Variants in PRB3 observed in about 807,000 individuals in gnomAD.
The protein encoded by PRB3 is basic salivary proline-rich protein 3.
Under a neutral mutation model 10.0 loss-of-function variants are expected in PRB3, and 9 were observed. The ratio of observed to expected loss-of-function variants is 0.90; its 90% CI spans 0.54 to 1.57. The LOEUF (loss-of-function observed/expected upper bound fraction) is 1.57, where lower values mean the gene tolerates loss of function less well. Ranked by LOEUF, PRB3 falls within the 40% of genes most tolerant of loss-of-function variation. The probability of loss-of-function intolerance (pLI) is 0.00; values close to 1 mark genes in which losing one functional copy is unlikely to be tolerated. For synonymous variants in PRB3, 89 were observed against 138.6 expected, an observed-to-expected ratio of 0.64 and a Z score of 2.52; for missense variants, 285 against 385.5, an observed-to-expected ratio of 0.74 and a Z score of 2.18.
Position 11,267,237 on chromosome 12 carries a change from CT to C in PRB3, c.1011del (p.Gly339AlafsTer52). On this transcript the variant is annotated frameshift_variant, in exon 3 of 4. Transcript: ENST00000538488. LOFTEE classifies it low-confidence loss of function (END_TRUNC). Reference sequence around the variant, plus strand: ...TGGGGAGGTCTGTGTGGTCTGCCCCCTTGAGGAGGTGGAGGTGGTCCCTGGG... The same window carrying C: ...TGGGGAGGTCTGTGTGGTCTGCCCCCTGAGGAGGTGGAGGTGGTCCCTGGG... ...GKPQGPPPPPQGGRPHRPPQG... is the reference protein window; with the variant it reads ...GKPQGPPPPPXGGRPHRPPQG... 1 of 1,614,018 alleles carries C rather than the reference CT, an allele frequency of 6.2e-7. No individual in the cohort carries two copies. The highest frequency in any genetic ancestry group is 1.6e-4 in the Middle Eastern group (1 of 6,062).
intron 1 of PRB3, among the ~76,000 whole-genome samples, chr12:11,268,929 A>C (rs1948623800): frequency 6.6e-6 from 1 of 152,136 alleles, no homozygotes; most frequent in African/African-American, 2.4e-5. Flanking sequence ...ACTTAATGCT[A>C]ATTTAGTTTA....
chr12:11,269,475 TCTC>T, intron 1 of PRB3, 128 bp downstream of exon 1: 1 of 1,061,906 alleles, frequency 9.4e-7, no homozygotes, highest in Non-Finnish European at 1.4e-6. Context: ...GCACAACAGG[TCTC>T]CTGATCCTAG....
At chr12:11,269,473 G>A in intron 1 of PRB3, 133 bp downstream of exon 1, 1 of 1,036,936 alleles carries the variant, frequency 9.6e-7, no homozygotes, top group Non-Finnish European at 1.5e-6. Flanking sequence ...GGGCACAACA[G>A]GTCTCCTGAT....
At chr12:11,268,926 G>T (rs915409522) in intron 1 of PRB3, among the ~76,000 whole-genome samples, 9 of 152,108 alleles carry the variant, frequency 5.9e-5, no homozygotes, top group African/African-American at 2.2e-4. Context: ...AAGACTTAAT[G>T]CTAATTTAGT....
chr12:11,268,411 C>T (rs1056440754), intron 2 of PRB3, among the ~76,000 whole-genome samples: 45 of 152,072 alleles, frequency 3.0e-4, no homozygotes, highest in African/African-American at 1.1e-3. Context: ...GGAAGTCAAC[C>T]CACTCCCGTT....
chr12:11,267,165 T>C lies in PRB3; in HGVS notation c.*17+11A>G. The C allele has an allele frequency of 6.3e-7, 1 of 1,589,858 alleles. No individual in the cohort carries two copies. Among genetic ancestry groups the C allele is most frequent in the South Asian group, 1.1e-5 (1 of 90,554 alleles). On this transcript the variant is annotated intron_variant, in intron 3 of 3. Coordinates refer to ENST00000538488, the MANE Select transcript of PRB3 (RefSeq NM_001394862.1). ...TTAGAGCACTTGGTGAAGAATAAAC[T>C]GGAATCATACCTGTCATTGAACCTT... is the stretch of plus-strand genomic sequence containing the variant.
At chr12:11,266,208 C>T (rs1262069129) in intron 3 of PRB3, among the ~76,000 whole-genome samples, 179 bp from the exon 4 acceptor site, 1 of 152,204 alleles carries the variant, frequency 6.6e-6, no homozygotes, top group Non-Finnish European at 1.5e-5. Flanking sequence ...TGCCCTTGCA[C>T]ACAATGTGCT....
chr12:11,266,326 C>T (rs1948586323), intron 3 of PRB3, among the ~76,000 whole-genome samples: 1 of 152,106 alleles, frequency 6.6e-6, no homozygotes, highest in Non-Finnish European at 1.5e-5. Context: ...TAATCAGAAC[C>T]TATTTTATAA....
At position 11,267,228 on chromosome 12, in the gene PRB3, G is replaced by T. The variant is rs1451959616; in HGVS notation, c.1021C>A (p.Pro341Thr). 2.3e-5 allele frequency: 37 copies of T among 1,614,032 alleles called. No homozygotes were observed. Among genetic ancestry groups the T allele is most frequent in the Non-Finnish European group, 3.0e-5 (35 of 1,180,024 alleles). ...GPPPPPQGGR[P>T]HRPPQGQPPQ Reference sequence around the variant, plus strand: ...GGCTGTCCCTGGGGAGGTCTGTGTGGTCTGCCCCCTTGAGGAGGTGGAGGT... The same window carrying T: ...GGCTGTCCCTGGGGAGGTCTGTGTGTTCTGCCCCCTTGAGGAGGTGGAGGT... The change falls in exon 3 of 4, where the codon CCA becomes ACA. Residue 341 changes from proline (P) to threonine (T), a missense_variant. Physicochemically the swap from Pro to Thr is conservative, Grantham distance 38. Transcript: ENST00000538488.
chr12:11,269,642 G>A lies in PRB3; in HGVS notation c.28C>T (p.Leu10=). 2 of 1,614,092 alleles carry A rather than the reference G, an allele frequency of 1.2e-6. No homozygotes were observed. Among genetic ancestry groups the A allele is most frequent in the South Asian group, 2.2e-5 (2 of 91,076 alleles). MLLILLSVA[L]LALSSAQSLN... is the part of the protein sequence containing the mutation. ...CTCTGAGCTGAGCTCAGGGCCAGCA[G>A]GGCCACCGACAGCAGAATCAGTAGC... Residue 10 remains leucine, a synonymous_variant, in exon 1 of 4, where the codon CTG becomes TTG. Transcript: ENST00000538488.
At chr12:11,268,205 A>T in intron 2 of PRB3, 57 bp from the exon 3 acceptor site, 2 of 1,612,140 alleles carry the variant, frequency 1.2e-6, no homozygotes, top group Non-Finnish European at 1.7e-6. Context: ...TTTTACAGTA[A>T]CGCAGCTAAA....
chr12:11,268,722 T>A, intron 1 of PRB3, 54 bp from the exon 2 acceptor site: 1 of 1,561,000 alleles, frequency 6.4e-7, no homozygotes, highest in Non-Finnish European at 8.8e-7. Context: ...TTTTGCAAGA[T>A]TCACAGGTGT....
At position 11,267,189 on chromosome 12, in the gene PRB3, T is replaced by C. The variant is rs1355945184; in HGVS notation, c.*4A>G. 1 of 1,608,356 alleles carries C rather than the reference T, an allele frequency of 6.2e-7. No homozygotes were observed. The highest frequency in any genetic ancestry group is 8.5e-7 in the Non-Finnish European group (1 of 1,174,790). ...CTGGAATCATACCTGTCATTGAACC[T>C]TGATTACTGGGGAGGCTGTCCCTGG... On this transcript the variant is annotated 3_prime_UTR_variant, in exon 3 of 4. Transcript: ENST00000538488.
Position 11,269,615 on chromosome 12 carries a change from A to G in PRB3, c.55T>C (p.Leu19=), listed in dbSNP as rs750631819. The change falls in exon 1 of 4, where the codon TTA becomes CTA. Residue 19 remains leucine, a synonymous_variant. Coordinates refer to ENST00000538488, the MANE Select transcript of PRB3 (RefSeq NM_001394862.1). ...CCTCCTTCTGTCTTACCTTCATTTA[A>G]GCTCTGAGCTGAGCTCAGGGCCAGC... is the stretch of plus-strand genomic sequence containing the variant. ...ALLALSSAQS[L]NEDVSQEESP... The G allele has an allele frequency of 1.3e-5, 21 of 1,613,956 alleles. No homozygotes were observed. Among genetic ancestry groups the G allele is most frequent in the Non-Finnish European group, 1.6e-5 (19 of 1,179,960 alleles).
At chr12:11,266,434 G>C (rs1948587747) in intron 3 of PRB3, among the ~76,000 whole-genome samples, 1 of 152,164 alleles carries the variant, frequency 6.6e-6, no homozygotes. Flanking sequence ...AATTGTAAAA[G>C]CAAACAGAAA....
At position 11,269,664 on chromosome 12, in the gene PRB3, T is replaced by C. The variant is rs774412026; in HGVS notation, c.6A>G (p.Leu2=). 1 of 1,613,934 alleles carries C rather than the reference T, an allele frequency of 6.2e-7. No homozygotes were observed. Among genetic ancestry groups the C allele is most frequent in the Non-Finnish European group, 8.5e-7 (1 of 1,179,868 alleles). The change falls in exon 1 of 4, where the codon CTA becomes CTG. Residue 2 remains leucine, a synonymous_variant. Coordinates refer to ENST00000538488, the MANE Select transcript of PRB3 (RefSeq NM_001394862.1). M[L]LILLSVALLA... is the part of the protein sequence containing the mutation. ...GCAGGGCCACCGACAGCAGAATCAG[T>C]AGCATCTTGCTGGAGGCTCTGGAGT... is the stretch of plus-strand genomic sequence containing the variant.
At chr12:11,266,300 A>G (rs1293965737) in intron 3 of PRB3, among the ~76,000 whole-genome samples, 1 of 152,230 alleles carries the variant, frequency 6.6e-6, no homozygotes, top group South Asian at 2.1e-4. Context: ...GTTCAGGGAT[A>G]TATTTACACA....
chr12:11,267,988 G>A lies in PRB3; in HGVS notation c.261C>T (p.Asn87=). 1 of 1,589,964 alleles carries A rather than the reference G, an allele frequency of 6.3e-7. No homozygotes were observed. The stretch of plus-strand genomic sequence containing the variant: ...GACGAGGTGGGGGACCTTGGGACTG[G>A]TTTCCTCCTTGTGGGGGTGGTCCTT... ...KPEGPPPQGG[N]QSQGPPPRPG... The change falls in exon 3 of 4, where the codon AAC becomes AAT. Residue 87 remains asparagine (N), a synonymous_variant. Coordinates refer to ENST00000538488, the MANE Select transcript of PRB3 (RefSeq NM_001394862.1).
At position 11,268,649 on chromosome 12, in the gene PRB3, A is replaced by G. The variant is rs1363405389; in HGVS notation, c.84T>C (p.Ser28=). 6.2e-7 allele frequency: 1 copy of G among 1,612,768 alleles called. No homozygotes were observed. Among genetic ancestry groups the G allele is most frequent in the African/African-American group, 1.3e-5 (1 of 74,900 alleles). Residue 28 remains serine, a synonymous_variant, in exon 2 of 4, where the codon TCT becomes TCC. Coordinates refer to ENST00000538488, the MANE Select transcript of PRB3 (RefSeq NM_001394862.1). Reference sequence around the variant, plus strand: ...GGGATTTACCTGATATTACGGAGGGAGATTCTTCCTGGCTGACATCTAGAA... The same window carrying G: ...GGGATTTACCTGATATTACGGAGGGGGATTCTTCCTGGCTGACATCTAGAA... ...SLNEDVSQEE[S]PSVISGKPEG...
Sources: allele counts gnomAD v4.1 joint callset (sites outside exome capture counted in the v4.1 genomes callset), GRCh38; gene constraint gnomAD v4.1.1; transcripts MANE v1.5; gene names NCBI Gene and HGNC (gene_info 2026-07-23, HGNC 2026-07-21).